SHC3: variants seen among roughly 807,000 people sequenced by gnomAD.
The protein encoded by SHC3 is SHC-transforming protein 3.
A neutral mutation model predicts 60.4 loss-of-function variants in SHC3; 15 were observed. That is an observed-to-expected ratio of 0.25 (90% CI 0.17 to 0.38). The LOEUF (loss-of-function observed/expected upper bound fraction) is 0.38, where lower values mean the gene tolerates loss of function less well. Among genes scored for constraint, SHC3 ranks in the 10% least tolerant of loss-of-function variants. The pLI is 1.00. For missense variants in SHC3, 677 were observed against 786.1 expected (o/e 0.86, Z 1.66); for synonymous variants, 294 against 325.9 (o/e 0.90, Z 1.05).
At chr9:89,096,539 AGT>A (rs1796925336) in intron 2 of SHC3, among the ~76,000 whole-genome samples, 4 of 152,262 alleles carry the variant, frequency 2.6e-5, no homozygotes, top group Admixed American at 1.3e-4. Flanking sequence ...TTTTGTATAA[AGT>A]GTGACTGCAA....
Position 89,110,253 on chromosome 9 carries a change from G to A in SHC3, c.545+2303C>T, listed in dbSNP as rs944675081. 1.0e-5 allele frequency: 10 copies of A among 985,218 alleles called. No homozygotes were observed. The Admixed American group carries it at 3.7e-4, about 36-fold the overall frequency. The allele number at this position is 985,218 out of a possible 1,614,324, so 61.0% of individuals were successfully genotyped here. ...ATGCTGGGAGTGAAGCCCAGCCGTA[G>A]GGGCAAAATTTTAAATTAAACAGAT... On this transcript the variant is annotated intron_variant, in intron 2 of 11. Transcript: ENST00000375835.
intron 1 of SHC3, among the ~76,000 whole-genome samples, chr9:89,160,940 C>T (rs1826695346): frequency 6.6e-6 from 1 of 152,172 alleles, no homozygotes; most frequent in African/African-American, 2.4e-5. Context: ...TCTTAATCCC[C>T]AGCAGTATAC....
chr9:89,093,175 C>T (rs1825650636), intron 2 of SHC3, among the ~76,000 whole-genome samples: 1 of 152,176 alleles, frequency 6.6e-6, no homozygotes, highest in Non-Finnish European at 1.5e-5. Flanking sequence ...ACATTCCTAC[C>T]AGCAATAACA....
At chr9:89,037,851 C>T in intron 11 of SHC3, 142 bp downstream of exon 11, 1 of 1,089,160 alleles carries the variant, frequency 9.2e-7, no homozygotes, top group Non-Finnish European at 1.3e-6. Flanking sequence ...CAGGAGTTGT[C>T]TGTCCCTGCG....
intron 1 of SHC3, among the ~76,000 whole-genome samples, chr9:89,162,688 G>A (rs2118245890): frequency 6.7e-6 from 1 of 150,302 alleles, no homozygotes; most frequent in South Asian, 2.1e-4. Flanking sequence ...CATGGTCAAG[G>A]ACTTCATGTC....
At chr9:89,153,123 T>A (rs1283013526) in intron 1 of SHC3, among the ~76,000 whole-genome samples, 3 of 152,224 alleles carry the variant, frequency 2.0e-5, no homozygotes, top group African/African-American at 7.2e-5. Context: ...TTACTATGTA[T>A]GTTGTGCTCA....
intron 6 of SHC3, among the ~76,000 whole-genome samples, chr9:89,057,839 A>C (rs539820838): frequency 1.3e-5 from 2 of 152,176 alleles, no homozygotes; most frequent in Non-Finnish European, 2.9e-5. Context: ...AACCTGTGGA[A>C]AAGAGTTTTT....
At chr9:89,066,609 T>C (rs1382676521) in intron 5 of SHC3, among the ~76,000 whole-genome samples, 4 of 152,098 alleles carry the variant, frequency 2.6e-5, no homozygotes, top group East Asian at 1.9e-4. Context: ...CTCTGCAAAG[T>C]TGGTATTTTC....
chr9:89,016,709 C>A (rs1367541644), intron 11 of SHC3, among the ~76,000 whole-genome samples: 3 of 152,084 alleles, frequency 2.0e-5, no homozygotes, highest in African/African-American at 7.2e-5. Flanking sequence ...CAAACAAAGA[C>A]ATTAAAAGAA....
intron 1 of SHC3, among the ~76,000 whole-genome samples, chr9:89,166,270 G>A (rs923317692): frequency 8.6e-5 from 13 of 152,004 alleles, no homozygotes; most frequent in Admixed American, 4.6e-4. Flanking sequence ...TCTCTCCTCC[G>A]TCTCCCCAAC....
rs537671845 is a variant in SHC3, at chr9:89,082,350, G to A, written c.546-4447C>T. On this transcript the variant is annotated intron_variant, in intron 2 of 11. Coordinates refer to ENST00000375835, the MANE Select transcript of SHC3 (RefSeq NM_016848.6). ...TGGCTCCTGTCATCAGCAGAAAGCTGACTGGGCCACATAGGTACCCCTCCC... is the reference window on the plus strand; with the variant it reads ...TGGCTCCTGTCATCAGCAGAAAGCTAACTGGGCCACATAGGTACCCCTCCC... Among the ~76,000 whole-genome samples the A allele has an allele frequency of 3.7e-4, 56 of 152,298 alleles. 1 individual carries two copies. Among genetic ancestry groups the A allele is most frequent in the East Asian group, 3.7e-3 (19 of 5,170 alleles).
chr9:89,046,257 A>G (rs1194035978), intron 8 of SHC3, among the ~76,000 whole-genome samples: 1 of 152,180 alleles, frequency 6.6e-6, no homozygotes, highest in Non-Finnish European at 1.5e-5. Context: ...TCAAAAAATC[A>G]GGAAATTCCC....
chr9:89,102,881 G>A (rs1054054998), intron 2 of SHC3, among the ~76,000 whole-genome samples: 14 of 152,194 alleles, frequency 9.2e-5, no homozygotes, highest in Admixed American at 4.6e-4. Context: ...TCAATATGAT[G>A]TGCAATGAAA....
chr9:89,109,829 T>C, intron 2 of SHC3: 1 of 985,450 alleles, frequency 1.0e-6, no homozygotes, highest in Non-Finnish European at 1.2e-6. Flanking sequence ...CATACCAAGA[T>C]CACATGATTA....
chr9:89,161,207 T>C (rs959791056), intron 1 of SHC3, among the ~76,000 whole-genome samples: 8 of 152,194 alleles, frequency 5.3e-5, no homozygotes, highest in Non-Finnish European at 1.0e-4. Context: ...AGCAGGTTTC[T>C]CATGAATGGT....
At chr9:89,024,995 C>T (rs114939946) in intron 11 of SHC3, among the ~76,000 whole-genome samples, 1,638 of 152,258 alleles carry the variant, frequency 0.011, 37 homozygotes, top group African/African-American at 0.037. Context: ...CCATGGGCTT[C>T]AATTGCCTGG....
intron 4 of SHC3, among the ~76,000 whole-genome samples, chr9:89,072,358 C>T (rs1587710598): frequency 6.6e-6 from 1 of 152,132 alleles, no homozygotes; most frequent in Non-Finnish European, 1.5e-5. Context: ...AACATCTCAA[C>T]TTATAGATTA....
chr9:89,091,770 C>T (rs1239283018), intron 2 of SHC3, among the ~76,000 whole-genome samples: 2 of 152,228 alleles, frequency 1.3e-5, no homozygotes, highest in Non-Finnish European at 2.9e-5. Flanking sequence ...CTCCCCACTG[C>T]CTCATCTGGC....
rs890065565 is a variant in SHC3, at chr9:89,128,029, T to G, written c.475-15403A>C. 9.2e-5 allele frequency among the ~76,000 whole-genome samples: 14 copies of G among 152,278 alleles called. No individual in the cohort carries two copies. The South Asian group carries it at 1.2e-3, about 14-fold the overall frequency. On this transcript the variant is annotated intron_variant, in intron 1 of 11. Transcript: ENST00000375835. ...GAAAAATACAACCACTGGATCTTCTTCTGTCTGCCAGTGTATTTATGTGTT... is the reference window on the plus strand; with the variant it reads ...GAAAAATACAACCACTGGATCTTCTGCTGTCTGCCAGTGTATTTATGTGTT...
Sources: gnomAD v4.1 joint callset for allele counts (sites outside exome capture counted in the v4.1 genomes callset) on GRCh38, gnomAD v4.1.1 for gene constraint, MANE v1.5 for transcripts, NCBI Gene and HGNC (gene_info 2026-07-23, HGNC 2026-07-21) for gene names.